PSEN1: variants seen among roughly 807,000 people sequenced by gnomAD.
PSEN1 encodes presenilin 1.
PSEN1 carries 15 observed loss-of-function variants against 53.5 expected under a neutral mutation model. The observed-to-expected ratio is 0.28, with a 90% CI of 0.19 to 0.43. The LOEUF is 0.43. Ranked by LOEUF, PSEN1 falls within the 20% of genes least tolerant of loss-of-function variation. PSEN1 has a pLI of 1.00. For missense variants in PSEN1, 387 were observed against 571.2 expected, an observed-to-expected ratio of 0.68 and a Z score of 3.29; for synonymous variants, 208 against 209.8, an observed-to-expected ratio of 0.99 and a Z score of 0.08.
chr14:73,158,491 A>G (rs1897434538), intron 3 of PSEN1, among the ~76,000 whole-genome samples: 1 of 151,990 alleles, frequency 6.6e-6, no homozygotes, highest in African/African-American at 2.4e-5. Flanking sequence ...ACACCCAGCT[A>G]ATTTTTGTAT....
At chr14:73,208,776 C>G (rs1397550557) in intron 9 of PSEN1, 2 of 448,664 alleles carry the variant, frequency 4.5e-6, no homozygotes, top group African/African-American at 2.0e-5. Context: ...TCAGGCTTTC[C>G]CTGACTTGAG....
chr14:73,174,222 GT>G, intron 5 of PSEN1: 1 of 165,504 alleles, frequency 6.0e-6, no homozygotes, highest in Non-Finnish European at 1.3e-5. Context: ...ATCTAAGTGG[GT>G]TTTTGTTTGT....
intron 1 of PSEN1, 116 bp from the exon 2 acceptor site, chr14:73,147,679 C>T (rs362339): frequency 0.061 from 20,428 of 335,292 alleles, 808 homozygotes; most frequent in Non-Finnish European, 0.088. Context: ...AGTTGAAAGT[C>T]GTGACAAATT....
In PSEN1 at chr14:73,186,939, GGTCT is replaced by G. The variant is rs1375188955; in HGVS notation, c.548+24_548+27del. 2.5e-6 allele frequency: 4 copies of G among 1,597,174 alleles called. No homozygotes were observed. The highest frequency in any genetic ancestry group is 2.7e-5 in the African/African-American group (2 of 74,388). ...ACTTGGGGTAAGTTGTGAAATTTTT[GGTCT>G]GTCTTTCAGAATTAACTACCTTTGT... On this transcript the variant is annotated intron_variant, in intron 6 of 11. Transcript: ENST00000324501.
intron 9 of PSEN1, among the ~76,000 whole-genome samples, chr14:73,208,053 A>C (rs1899525486): frequency 6.6e-6 from 1 of 152,228 alleles, no homozygotes; most frequent in South Asian, 2.1e-4. Context: ...CCTGGGGAAC[A>C]CAGGGGCACC....
chr14:73,198,256 C>A (rs890408959), intron 8 of PSEN1, 127 bp downstream of exon 8: 1 of 669,992 alleles, frequency 1.5e-6, no homozygotes. Flanking sequence ...CCTGGAACTC[C>A]TGCAGATCTC....
intron 8 of PSEN1, 120 bp downstream of exon 8, chr14:73,198,249 G>A: frequency 1.4e-6 from 1 of 689,836 alleles, no homozygotes; most frequent in Non-Finnish European, 2.6e-6. Context: ...CAGCATTCCT[G>A]GAACTCCTGC....
At chr14:73,209,449 A>T (rs1201265911) in intron 9 of PSEN1, among the ~76,000 whole-genome samples, 2 of 152,242 alleles carry the variant, frequency 1.3e-5, no homozygotes, top group Non-Finnish European at 2.9e-5. Flanking sequence ...GTCTGTGAGC[A>T]TGTAGGTATA....
At chr14:73,199,863 A>G (rs1899107420) in intron 8 of PSEN1, among the ~76,000 whole-genome samples, 1 of 152,134 alleles carries the variant, frequency 6.6e-6, no homozygotes, top group South Asian at 2.1e-4. Flanking sequence ...CTCCTGCCTC[A>G]GCCTCCGGAG....
chr14:73,194,239 CT>C (rs142355580), intron 7 of PSEN1, among the ~76,000 whole-genome samples: 5 of 149,174 alleles, frequency 3.4e-5, no homozygotes, highest in South Asian at 2.1e-4. Context: ...TGGCCATACT[CT>C]TTTTTTTTTC....
At chr14:73,184,080 G>A (rs1898339389) in intron 5 of PSEN1, among the ~76,000 whole-genome samples, 3 of 131,506 alleles carry the variant, frequency 2.3e-5, no homozygotes, top group South Asian at 5.0e-4. Flanking sequence ...CCTCCCAGAC[G>A]GGGCGGCTGG....
intron 3 of PSEN1, among the ~76,000 whole-genome samples, chr14:73,164,652 G>A (rs1217828900): frequency 4.0e-5 from 6 of 151,138 alleles, no homozygotes; most frequent in Admixed American, 6.6e-5. Flanking sequence ...TCTAAATCCT[G>A]GTAGTCTGAC....
At chr14:73,212,838 G>A (rs1418380704) in intron 10 of PSEN1, among the ~76,000 whole-genome samples, 1 of 152,184 alleles carries the variant, frequency 6.6e-6, no homozygotes, top group Admixed American at 6.5e-5. Flanking sequence ...TAAGACTTTA[G>A]CATATTTTCC....
At chr14:73,211,723 A>C (rs761079214) in intron 9 of PSEN1, 46 bp from the exon 10 acceptor site, 44 of 1,604,188 alleles carry the variant, frequency 2.7e-5, no homozygotes, top group Non-Finnish European at 3.8e-5. Context: ...TAAAGGTATT[A>C]AATTTTTCTA....
intron 5 of PSEN1, among the ~76,000 whole-genome samples, chr14:73,183,555 CT>C (rs910471823): frequency 6.6e-6 from 1 of 152,190 alleles, no homozygotes. Context: ...TTGCACCGCC[CT>C]TAATCCATTC....
intron 10 of PSEN1, 114 bp from the exon 11 acceptor site, chr14:73,217,012 T>A: frequency 8.4e-7 from 1 of 1,184,726 alleles, no homozygotes; most frequent in Non-Finnish European, 1.3e-6. Flanking sequence ...TTGTATATCA[T>A]TTACTGACTT....
At chr14:73,143,563 G>T (rs1006669927) in intron 1 of PSEN1, among the ~76,000 whole-genome samples, 1 of 152,154 alleles carries the variant, frequency 6.6e-6, no homozygotes, top group Non-Finnish European at 1.5e-5. Context: ...TTTGAAGATA[G>T]TATTGGAAAA....
At chr14:73,153,757 G>A (rs1463041313) in intron 3 of PSEN1, among the ~76,000 whole-genome samples, 1 of 142,552 alleles carries the variant, frequency 7.0e-6, no homozygotes, top group African/African-American at 2.6e-5. Flanking sequence ...CTGTCGCCCA[G>A]GCTGGAGTTC....
At chr14:73,175,900 T>G (rs948208002) in intron 5 of PSEN1, among the ~76,000 whole-genome samples, 1 of 152,260 alleles carries the variant, frequency 6.6e-6, no homozygotes, top group African/African-American at 2.4e-5. Flanking sequence ...CAATTTGTAC[T>G]TAACACCAGT....
Sources: gnomAD v4.1 joint callset for allele counts (sites outside exome capture counted in the v4.1 genomes callset) on GRCh38, gnomAD v4.1.1 for gene constraint, MANE v1.5 for transcripts, NCBI Gene and HGNC (gene_info 2026-07-23, HGNC 2026-07-21) for gene names.